Variants in RBM3 observed in about 807,000 individuals in gnomAD.
The protein encoded by RBM3 is RNA binding motif protein 3.
Under a neutral mutation model 12.0 loss-of-function variants are expected in RBM3, and 3 were observed. That is an observed-to-expected ratio of 0.25 (90% CI 0.11 to 0.65). RBM3 has a LOEUF of 0.65. Among genes scored for constraint, RBM3 ranks in the 30% least tolerant of loss-of-function variants. The probability of loss-of-function intolerance (pLI) is 0.84; values close to 1 mark genes in which losing one functional copy is unlikely to be tolerated. For synonymous variants in RBM3, 58 were observed against 45.7 expected, an observed-to-expected ratio of 1.27 and a Z score of -1.08; for missense variants, 108 against 134.5, an observed-to-expected ratio of 0.80 and a Z score of 0.97.
In RBM3 at chrX:48,575,290, C is replaced by T. The variant is rs41310651; in HGVS notation, c.103+7C>T. On this transcript the variant is annotated splice_region_variant and intron_variant, in intron 2 of 6. Coordinates refer to ENST00000376759, the MANE Select transcript of RBM3 (RefSeq NM_006743.5). ...TTCGGACCTATCTCTGAGGGTGAGACGGGCCATACTCACAATGGGGGTTGG... is the reference window on the plus strand; with the variant it reads ...TTCGGACCTATCTCTGAGGGTGAGATGGGCCATACTCACAATGGGGGTTGG... 2,664 of 1,179,302 alleles carry T rather than the reference C, an allele frequency of 2.3e-3. 4 individuals are homozygous for T. The highest frequency in any genetic ancestry group is 2.8e-3 in the Non-Finnish European group (2,410 of 870,437).
chrX:48,576,164 G>A lies in RBM3; in HGVS notation c.211-150G>A, dbSNP rs782522110. 1.0e-5 allele frequency: 12 copies of A among 1,166,264 alleles called. No homozygotes were observed. The South Asian group carries it at 2.3e-4, about 22-fold the overall frequency. On this transcript the variant is annotated intron_variant, in intron 3 of 6. Transcript: ENST00000376759. ...TAGCTCCTGATGAAGCCATTCTGGG[G>A]TAAAGGAGCTTATTCTGGAACATGG...
At position 48,577,577 on chromosome X, in the gene RBM3, TTTAAATTGACCTGCCAAG is replaced by T. The variant is rs1270448355; in HGVS notation, c.*137_*154del. Reference sequence around the variant, plus strand: ...TTTTATAGTATATCAACCTTTTGTTTTTAAATTGACCTGCCAAGGTAGCTGAAGACCTTTTAGACAGTT... The same window carrying T: ...TTTTATAGTATATCAACCTTTTGTTTGTAGCTGAAGACCTTTTAGACAGTT... On this transcript the variant is annotated 3_prime_UTR_variant, in exon 7 of 7. Coordinates refer to ENST00000376759, the MANE Select transcript of RBM3 (RefSeq NM_006743.5). 20 of 772,448 alleles carry T rather than the reference TTTAAATTGACCTGCCAAG, an allele frequency of 2.6e-5. No homozygotes were observed. The highest frequency in any genetic ancestry group is 3.4e-5 in the Non-Finnish European group (20 of 585,745). The allele number at this position is 772,448 out of a possible 1,213,427, so 63.7% of individuals were successfully genotyped here.
In RBM3 at chrX:48,575,295, C is replaced by T. The variant is rs782761311; in HGVS notation, c.103+12C>T. ...ACCTATCTCTGAGGGTGAGACGGGCCATACTCACAATGGGGGTTGGTGAGA... is the reference window on the plus strand; with the variant it reads ...ACCTATCTCTGAGGGTGAGACGGGCTATACTCACAATGGGGGTTGGTGAGA... On this transcript the variant is annotated intron_variant, in intron 2 of 6. Coordinates refer to ENST00000376759, the MANE Select transcript of RBM3 (RefSeq NM_006743.5). 2.2e-5 allele frequency: 26 copies of T among 1,174,639 alleles called. 1 individual carries two copies. The South Asian group carries it at 4.5e-4, about 21-fold the overall frequency.
chrX:48,575,402 C>T (rs1050360505), intron 2 of RBM3, 119 bp downstream of exon 2: 1 of 831,273 alleles, frequency 1.2e-6, no homozygotes. Flanking sequence ...TCTTCCTAAG[C>T]CTATGGTGTA....
At chrX:48,576,931 G>T in intron 5 of RBM3, 95 bp from the exon 6 acceptor site, 1 of 1,050,133 alleles carries the variant, frequency 9.5e-7, no homozygotes. Flanking sequence ...TAAGGTTTAT[G>T]TTATGACCCA....
chrX:48,576,212 A>G, intron 3 of RBM3, 102 bp from the exon 4 acceptor site: 1 of 1,167,769 alleles, frequency 8.6e-7, no homozygotes, highest in Non-Finnish European at 1.1e-6. Context: ...GGTGCCCAGC[A>G]GGAATTTTTG....
intron 5 of RBM3, 57 bp downstream of exon 5, chrX:48,576,661 A>C: frequency 8.7e-7 from 1 of 1,146,292 alleles, no homozygotes; most frequent in Non-Finnish European, 1.2e-6. Context: ...TTAAGAACTC[A>C]GCGCCTGGGT....
At chrX:48,575,402 C>A in intron 2 of RBM3, 119 bp downstream of exon 2, 1 of 831,273 alleles carries the variant, frequency 1.2e-6, no homozygotes, top group Admixed American at 2.8e-5. Flanking sequence ...TCTTCCTAAG[C>A]CTATGGTGTA....
chrX:48,577,664 T>C lies in RBM3; in HGVS notation c.*223T>C. The C allele has an allele frequency of 4.4e-6, 1 of 226,307 alleles. No individual in the cohort carries two copies. The highest frequency in any genetic ancestry group is 7.4e-6 in the Non-Finnish European group (1 of 135,930). The allele number at this position is 226,307 out of a possible 1,213,427, so 18.7% of individuals were successfully genotyped here. A position where few individuals can be genotyped will look rare whatever the true frequency, so the allele number is the denominator to read the frequency against. ...TTTTTCTGCCTATTTAAAGACAAAT[T>C]ATGGGACGTTTGTAGAACCTGAGTA... On this transcript the variant is annotated 3_prime_UTR_variant, in exon 7 of 7. Transcript: ENST00000376759.
At chrX:48,576,210 G>A in intron 3 of RBM3, 104 bp from the exon 4 acceptor site, 1 of 1,167,805 alleles carries the variant, frequency 8.6e-7, no homozygotes, top group Non-Finnish European at 1.1e-6. Flanking sequence ...CTGGTGCCCA[G>A]CAGGAATTTT....
At position 48,575,310 on chromosome X, in the gene RBM3, G is replaced by A. The variant is rs782162048; in HGVS notation, c.103+27G>A. 3 of 1,145,797 alleles carry A rather than the reference G, an allele frequency of 2.6e-6. No individual in the cohort carries two copies. In the South Asian group the frequency reaches 5.6e-5, roughly 21 times the overall value. The allele number at this position is 1,145,797 out of a possible 1,213,427, so 94.4% of individuals were successfully genotyped here. ...TGAGACGGGCCATACTCACAATGGG[G>A]GTTGGTGAGAGAAAGTCTGGGATCC... is the stretch of plus-strand genomic sequence containing the variant. On this transcript the variant is annotated intron_variant, in intron 2 of 6. Transcript: ENST00000376759.
chrX:48,576,525 T>A lies in RBM3; in HGVS notation c.334T>A (p.Tyr112Asn), dbSNP rs2062080805. Residue 112 changes from tyrosine (Y) to asparagine (N), a missense_variant, in exon 5 of 7, where the codon TAT becomes AAT. Physicochemically the swap from Tyr to Asn is moderately radical, Grantham distance 143. Transcript: ENST00000376759. ...TGCTCTAGGTGGTGGGGACCAGGGCTATGGGAGTGGCAGGTATTATGACAG... is the reference window on the plus strand; with the variant it reads ...TGCTCTAGGTGGTGGGGACCAGGGCAATGGGAGTGGCAGGTATTATGACAG... ...SYSRGGGDQG[Y>N]GSGRYYDSRP... 3.3e-6 allele frequency: 4 copies of A among 1,195,568 alleles called. No homozygotes were observed. The highest frequency in any genetic ancestry group is 4.5e-6 in the Non-Finnish European group (4 of 887,035).
In RBM3 at chrX:48,579,335, C is replaced by T. The variant is rs372743526; in HGVS notation, c.*1894C>T. ...TGAGCTGCCTATTCCCTTGCTGGTGCGTTGTGGAACCCTGTATTATTAGTT... is the reference window on the plus strand; with the variant it reads ...TGAGCTGCCTATTCCCTTGCTGGTGTGTTGTGGAACCCTGTATTATTAGTT... On this transcript the variant is annotated 3_prime_UTR_variant, in exon 7 of 7. Transcript: ENST00000376759. 1.8e-5 allele frequency among the ~76,000 whole-genome samples: 2 copies of T among 112,133 alleles called. No individual in the cohort carries two copies. The highest frequency in any genetic ancestry group is 2.8e-4 in the East Asian group (1 of 3,593).
chrX:48,575,705 C>G, intron 3 of RBM3, 38 bp downstream of exon 3: 1 of 1,129,513 alleles, frequency 8.9e-7, no homozygotes, highest in Non-Finnish European at 1.2e-6. Context: ...TTGTCCCCAT[C>G]TGCGGCTTCC....
Position 48,577,423 on chromosome X carries a change from T to C in RBM3, c.*24-42T>C, listed in dbSNP as rs782653256. The C allele has an allele frequency of 2.0e-4, 186 of 942,735 alleles. No homozygotes were observed. The African/African-American group carries it at 3.5e-3, about 17-fold the overall frequency. The allele number at this position is 942,735 out of a possible 1,213,427, so 77.7% of individuals were successfully genotyped here. On this transcript the variant is annotated intron_variant, in intron 6 of 6. Coordinates refer to ENST00000376759, the MANE Select transcript of RBM3 (RefSeq NM_006743.5). ...AGGAGGTGAGCATGTTGTCAGCTGT[T>C]ACTTCATGACATCACAATTCTCCCC...
Position 48,576,492 on chromosome X carries a change from T to C in RBM3, c.317-16T>C. 8.4e-7 allele frequency: 1 copy of C among 1,193,529 alleles called. No homozygotes were observed. Among genetic ancestry groups the C allele is most frequent in the Non-Finnish European group, 1.1e-6 (1 of 886,307 alleles). ...TATGTGTGGACAACTGCCATTTAAATATTTTTCTGCTCTAGGTGGTGGGGA... is the reference window on the plus strand; with the variant it reads ...TATGTGTGGACAACTGCCATTTAAACATTTTTCTGCTCTAGGTGGTGGGGA... On this transcript the variant is annotated splice_polypyrimidine_tract_variant and intron_variant, in intron 4 of 6. Transcript: ENST00000376759.
chrX:48,577,770 G>C lies in RBM3; in HGVS notation c.*329G>C, dbSNP rs1556989716. ...TAATTGGTTCTGGCAAGTTTGGCCAGACTGACTTCAAAAAATTAATGTGTA... is the reference window on the plus strand; with the variant it reads ...TAATTGGTTCTGGCAAGTTTGGCCACACTGACTTCAAAAAATTAATGTGTA... On this transcript the variant is annotated 3_prime_UTR_variant, in exon 7 of 7. Transcript: ENST00000376759. 1.1e-5 allele frequency: 2 copies of C among 183,463 alleles called. No individual in the cohort carries two copies. Among genetic ancestry groups the C allele is most frequent in the East Asian group, 3.5e-4 (2 of 5,669 alleles). 15.1% of individuals were successfully genotyped at this position (183,463 alleles called of 1,213,427 possible).
At position 48,575,381 on chromosome X, in the gene RBM3, CA is replaced by C. The variant is rs1469047468; in HGVS notation, c.103+101del. 3 of 897,157 alleles carry C rather than the reference CA, an allele frequency of 3.3e-6. No individual in the cohort carries two copies. In the African/African-American group the frequency reaches 6.0e-5, roughly 18 times the overall value. The allele number at this position is 897,157 out of a possible 1,213,427, so 73.9% of individuals were successfully genotyped here. On this transcript the variant is annotated intron_variant, in intron 2 of 6. Coordinates refer to ENST00000376759, the MANE Select transcript of RBM3 (RefSeq NM_006743.5). The stretch of plus-strand genomic sequence containing the variant: ...ACTGAAAAGTTAGGACCCACGCCTC[CA>C]AATTCTTTTTCTTCCTAAGCCTATG...
rs2062079992 is a variant in RBM3, at chrX:48,576,393, A to T, written c.290A>T (p.His97Leu). The change falls in exon 4 of 7, where the codon CAT becomes CTT. Residue 97 changes from histidine to leucine, a missense_variant. His to Leu is a moderately conservative substitution (Grantham distance 99). Transcript: ENST00000376759. ...RGTRGGGFGA[H>L]GRGRSYSRGG... ...ACCAGAGGAGGTGGCTTTGGGGCCCATGGGCGTGGTCGCAGCTACTCTAGA... is the reference window on the plus strand; with the variant it reads ...ACCAGAGGAGGTGGCTTTGGGGCCCTTGGGCGTGGTCGCAGCTACTCTAGA... 8.3e-7 allele frequency: 1 copy of T among 1,208,987 alleles called. No homozygotes were observed. Among genetic ancestry groups the T allele is most frequent in the African/African-American group, 1.8e-5 (1 of 57,131 alleles).
Sources: allele counts gnomAD v4.1 joint callset (sites outside exome capture counted in the v4.1 genomes callset), GRCh38; gene constraint gnomAD v4.1.1; transcripts MANE v1.5; gene names NCBI Gene and HGNC (gene_info 2026-07-23, HGNC 2026-07-21).